Variants in CHEK1 observed in about 807,000 individuals in gnomAD.
The protein encoded by CHEK1 is checkpoint kinase 1.
In CHEK1, 32 loss-of-function variants were observed where a neutral mutation model predicts 60.2. The observed-to-expected ratio is 0.53, with a 90% confidence interval of 0.40 to 0.71. CHEK1 has a LOEUF of 0.71. Ranked by LOEUF, CHEK1 falls within the 30% of genes least tolerant of loss-of-function variation. The pLI, the probability that CHEK1 is intolerant of heterozygous loss-of-function variation, is 0.00. For missense variants in CHEK1, 399 were observed against 564.6 expected (o/e 0.71, Z 2.97); for synonymous variants, 179 against 187.2 (o/e 0.96, Z 0.36).
At position 125,644,169 on chromosome 11, in the gene CHEK1, C is replaced by T; in HGVS notation, c.1002C>T (p.Tyr334=). The change falls in exon 10 of 13, where the codon TAC becomes TAT. Residue 334 remains tyrosine (Y), a synonymous_variant. Transcript: ENST00000438015. ...GLSLWDTSPS[Y]IDKLVQGISF... is the part of the protein sequence containing the mutation. ...CCTTATGGGATACCAGCCCCTCATA[C>T]ATTGATAAATTGGTACAAGGGATCA... The T allele has an allele frequency of 4.3e-6, 7 of 1,614,176 alleles. No individual in the cohort carries two copies. The highest frequency in any genetic ancestry group is 5.9e-6 in the Non-Finnish European group (7 of 1,180,018).
downstream of CHEK1, chr11:125,680,606 T>C (rs1324871499): frequency 3.6e-6 from 3 of 844,254 alleles, no homozygotes; most frequent in East Asian, 7.7e-5. Flanking sequence ...CTTGTTTAGC[T>C]GCTCTTGATT....
intron 8 of CHEK1, among the ~76,000 whole-genome samples, chr11:125,641,702 A>G (rs1941308603): frequency 6.6e-6 from 1 of 151,698 alleles, no homozygotes; most frequent in Non-Finnish European, 1.5e-5. Context: ...ATCATCCTTC[A>G]TTTTTCTCAT....
chr11:125,670,925 C>A (rs530343066), intron 13 of CHEK1, among the ~76,000 whole-genome samples: 1 of 152,066 alleles, frequency 6.6e-6, no homozygotes, highest in African/African-American at 2.4e-5. Flanking sequence ...TAAATGGAAG[C>A]CAGAATTTTC....
intron 13 of CHEK1, among the ~76,000 whole-genome samples, chr11:125,669,525 T>TC (rs1418220912): frequency 1.4e-5 from 2 of 140,814 alleles, no homozygotes. Flanking sequence ...TTTTTTCCTT[T>TC]TTTTTTTTTT....
Position 125,653,718 on chromosome 11 carries a change from T to G in CHEK1, c.1234-28T>G. 8.6e-7 allele frequency: 1 copy of G among 1,168,662 alleles called. No individual in the cohort carries two copies. The highest frequency in any genetic ancestry group is 1.3e-6 in the Non-Finnish European group (1 of 793,494). 72.4% of individuals were successfully genotyped at this position (1,168,662 alleles called of 1,614,324 possible). A position where few individuals can be genotyped will look rare whatever the true frequency, so the allele number is the denominator to read the frequency against. On this transcript the variant is annotated intron_variant, in intron 11 of 12. Coordinates refer to ENST00000438015, the MANE Select transcript of CHEK1 (RefSeq NM_001114122.3). This position sits in a 1 kb window ranked among gnomAD's most constrained non-coding sequence, Gnocchi z 4.3. Reference sequence around the variant, plus strand: ...CTAGTTTATTATCTACTCACCCATGTGGCTTAACCTTATTTTTGTTGCCTT... The same window carrying G: ...CTAGTTTATTATCTACTCACCCATGGGGCTTAACCTTATTTTTGTTGCCTT...
At chr11:125,661,838 GTACA>G (rs1942024063), downstream of CHEK1, among the ~76,000 whole-genome samples, 2 of 152,002 alleles carry the variant, frequency 1.3e-5, no homozygotes, top group Admixed American at 1.3e-4. Context: ...GTGAATATAT[GTACA>G]TACATATCTT....
chr11:125,674,110 C>T (rs537913917), intron 13 of CHEK1, among the ~76,000 whole-genome samples: 139 of 152,176 alleles, frequency 9.1e-4, no homozygotes, highest in African/African-American at 2.7e-3. Context: ...CGCCACTGCA[C>T]TCAGCCTGGG....
In CHEK1 at chr11:125,653,827, G is replaced by A; in HGVS notation, c.1315G>A (p.Val439Ile). 6.4e-7 allele frequency: 1 copy of A among 1,560,626 alleles called. No homozygotes were observed. Among genetic ancestry groups the A allele is most frequent in the Non-Finnish European group, 8.8e-7 (1 of 1,140,298 alleles). Residue 439 changes from valine (V) to isoleucine (I), a missense_variant, in exon 12 of 13, where the codon GTT becomes ATT. This residue lies in a region of CHEK1 where 29 missense variants were observed against 69.8 expected (regional missense o/e 0.42). Transcript: ENST00000438015. This position sits in a 1 kb window ranked among gnomAD's most constrained non-coding sequence, Gnocchi z 4.3. ...NLLEMDDKILVDFRLSKGDGL... is the reference protein window; with the variant it reads ...NLLEMDDKILIDFRLSKGDGL... ...GTTAGAAATGGATGATAAAATATTG[G>A]TTGACTTCCGGCTTTCTAAGGTATT...
rs753180922 is a variant in CHEK1 at position 125,627,647 on chromosome 11, G to T, written c.106G>T (p.Ala36Ser). 6.2e-7 allele frequency: 1 copy of T among 1,613,756 alleles called. No homozygotes were observed. The highest frequency in any genetic ancestry group is 8.5e-7 in the Non-Finnish European group (1 of 1,179,886). Residue 36 changes from alanine (A) to serine (S), a missense_variant, in exon 3 of 13, where the codon GCA becomes TCA. Ala to Ser is a moderately conservative substitution (Grantham distance 99). Transcript: ENST00000438015. The stretch of plus-strand genomic sequence containing the variant: ...GAATAGAGTAACTGAAGAAGCAGTC[G>T]CAGTGAAGATTGTAGATATGAAGCG... ...AVNRVTEEAVAVKIVDMKRAV... is the reference protein window; with the variant it reads ...AVNRVTEEAVSVKIVDMKRAV...
rs1225081594 is a variant in CHEK1, at chr11:125,644,090, G to A, written c.924-1G>A. On this transcript the variant is annotated splice_acceptor_variant, in intron 9 of 12. Transcript: ENST00000438015. LOFTEE classifies it high-confidence loss of function. ...TGTTTCTTTCTGTCTTAATGCCTCA[G>A]TGAAGAAAATGTGAAGTACTCCAGT... 6.2e-7 allele frequency: 1 copy of A among 1,608,150 alleles called. No homozygotes were observed. The highest frequency in any genetic ancestry group is 1.3e-5 in the African/African-American group (1 of 74,618).
At chr11:125,657,377 A>G (rs1941936100), downstream of CHEK1, among the ~76,000 whole-genome samples, 1 of 152,178 alleles carries the variant, frequency 6.6e-6, no homozygotes, top group African/African-American at 2.4e-5. Context: ...TAAAGTTAAC[A>G]TTCACTTAAC....
At chr11:125,669,050 A>G (rs1031275462) in intron 13 of CHEK1, among the ~76,000 whole-genome samples, 3 of 152,164 alleles carry the variant, frequency 2.0e-5, no homozygotes, top group African/African-American at 7.2e-5. Context: ...ATCTACTTAC[A>G]TTAAAAAAAA....
intron 13 of CHEK1, among the ~76,000 whole-genome samples, chr11:125,665,210 G>A (rs941825153): frequency 2.0e-5 from 3 of 148,456 alleles, no homozygotes; most frequent in East Asian, 1.9e-4. Flanking sequence ...CAGGTGGTAT[G>A]ATGTCTCCAG....
At position 125,639,353 on chromosome 11, in the gene CHEK1, C is replaced by T. The variant is rs564089397; in HGVS notation, c.814+1809C>T. On this transcript the variant is annotated intron_variant, in intron 8 of 12. Transcript: ENST00000438015. ...CCCACATCTTTCTCTGTCCTGTTCTCCTAAATCACGTTTTTATAATACTTT... is the reference window on the plus strand; with the variant it reads ...CCCACATCTTTCTCTGTCCTGTTCTTCTAAATCACGTTTTTATAATACTTT... Among the ~76,000 whole-genome samples, 6 of 150,066 alleles carry T rather than the reference C, an allele frequency of 4.0e-5. No individual in the cohort carries two copies. The South Asian group carries it at 1.3e-3, about 32-fold the overall frequency.
Position 125,627,677 on chromosome 11 carries a change from G to T in CHEK1, c.136G>T (p.Val46Leu), listed in dbSNP as rs768467449. The change falls in exon 3 of 13, where the codon GTA becomes TTA. Residue 46 changes from valine to leucine, a missense_variant. By Grantham distance (32) the Val-to-Leu change is conservative. Coordinates refer to ENST00000438015, the MANE Select transcript of CHEK1 (RefSeq NM_001114122.3). Reference protein sequence around the residue: ...AVKIVDMKRAVDCPENIKKEI... With the variant: ...AVKIVDMKRALDCPENIKKEI... ...GAAGATTGTAGATATGAAGCGTGCC[G>T]TAGACTGTCCAGAAAATATTAAGAA... 2 of 1,613,898 alleles carry T rather than the reference G, an allele frequency of 1.2e-6. No homozygotes were observed. The highest frequency in any genetic ancestry group is 1.7e-4 in the Middle Eastern group (1 of 6,048).
In CHEK1 at chr11:125,653,181, T is replaced by C. The variant is rs1321723109; in HGVS notation, c.1234-565T>C. On this transcript the variant is annotated intron_variant, in intron 11 of 12. Coordinates refer to ENST00000438015, the MANE Select transcript of CHEK1 (RefSeq NM_001114122.3). This position sits in a 1 kb window ranked among gnomAD's most constrained non-coding sequence, Gnocchi z 4.3. ...TGGCTGAGTAGTATTTCATTGTGTA[T>C]ATATATCATATTATCCTCATCTGTT... 6.6e-6 allele frequency among the ~76,000 whole-genome samples: 1 copy of C among 152,186 alleles called. No homozygotes were observed. The highest frequency in any genetic ancestry group is 1.5e-5 in the Non-Finnish European group (1 of 68,030).
chr11:125,654,559 T>G (rs1223684492), intron 12 of CHEK1, among the ~76,000 whole-genome samples: 2 of 152,154 alleles, frequency 1.3e-5, no homozygotes, highest in African/African-American at 4.8e-5. Flanking sequence ...ATGCATAGAT[T>G]TTTTTGTTCA....
rs865899240 is a variant in CHEK1 at position 125,644,210 on chromosome 11, CAT to C, written c.1044_1045del (p.Cys349SerfsTer2). ...CAAGGGATCAGCTTTTCCCAGCCCA[CAT>C]GTCCTGATCATATGCTTTTGAATAG... On this transcript the variant is annotated frameshift_variant, in exon 10 of 13. Transcript: ENST00000438015. LOFTEE classifies it high-confidence loss of function. 1 of 1,614,080 alleles carries C rather than the reference CAT, an allele frequency of 6.2e-7. No homozygotes were observed.
At chr11:125,664,625 T>C (rs1456947957) in intron 13 of CHEK1, among the ~76,000 whole-genome samples, 1 of 152,154 alleles carries the variant, frequency 6.6e-6, no homozygotes, top group African/African-American at 2.4e-5. Context: ...CAGATTTCTT[T>C]TGTTTTATTT....
Sources: allele counts gnomAD v4.1 joint callset (sites outside exome capture counted in the v4.1 genomes callset), GRCh38; gene constraint gnomAD v4.1.1; regional missense constraint gnomAD v4.1.1; non-coding constraint Gnocchi (gnomAD v3.1); transcripts MANE v1.5; gene names NCBI Gene and HGNC (gene_info 2026-07-23, HGNC 2026-07-21).